The following TEPSIN variants were observed in gnomAD, a reference collection of about 807,000 sequenced individuals.
TEPSIN encodes the protein AP-4 complex accessory subunit tepsin.
In TEPSIN, 50 loss-of-function variants were observed where a neutral mutation model predicts 48.5. The ratio of observed to expected loss-of-function variants is 1.03; its 90% CI spans 0.82 to 1.31. The LOEUF is 1.31. Among genes scored for constraint, TEPSIN ranks in the 50% most tolerant of loss-of-function variants. The pLI, the probability that TEPSIN is intolerant of heterozygous loss-of-function variation, is 0.00. For missense variants in TEPSIN, 838 were observed against 815.9 expected (o/e 1.03, Z -0.33); for synonymous variants, 392 against 358.8 (o/e 1.09, Z -1.05).
At chr17:81,235,901 G>A (rs908998814) in intron 4 of TEPSIN, among the ~76,000 whole-genome samples, 5 of 152,216 alleles carry the variant, frequency 3.3e-5, no homozygotes, top group African/African-American at 1.2e-4. Flanking sequence ...GCCATAAAGT[G>A]GGACAACACT....
At position 81,236,988 on chromosome 17, in the gene TEPSIN, T is replaced by C; in HGVS notation, c.205A>G (p.Lys69Glu). 6.3e-7 allele frequency: 1 copy of C among 1,581,736 alleles called. No individual in the cohort carries two copies. Among genetic ancestry groups the C allele is most frequent in the Non-Finnish European group, 8.6e-7 (1 of 1,163,492 alleles). ...ACCACCCAGGGGCTCACCTTGAGCT[T>C]CCCGTGGCCGGAGCTGCTGTGCAGG... is the stretch of plus-strand genomic sequence containing the variant. The part of the protein sequence containing the change: ...SRLHSSSGHG[K>E]LKVLKILLYL... The change falls in exon 3 of 13, where the codon AAG becomes GAG. Residue 69 changes from lysine (K) to glutamate (E), a missense_variant. By Grantham distance (56) the Lys-to-Glu change is moderately conservative (BLOSUM62 1). Coordinates refer to ENST00000637944, the MANE Select transcript of TEPSIN (RefSeq NM_001363764.2).
Position 81,233,998 on chromosome 17 carries a change from C to T in TEPSIN, c.358G>A (p.Val120Ile), listed in dbSNP as rs2062675881. Residue 120 changes from valine to isoleucine, a missense_variant, in exon 5 of 13, where the codon GTT becomes ATT. Physicochemically the swap from Val to Ile is conservative, Grantham distance 29 (BLOSUM62 3). Coordinates refer to ENST00000637944, the MANE Select transcript of TEPSIN (RefSeq NM_001363764.2). This position sits in a 1 kb window ranked among gnomAD's most constrained non-coding sequence, Gnocchi z 5.8. ...GGGCTCACCTGCGCGGCCGCGCGAA[C>T]CTTCTGGTACAAGCTGTTCCCGTGC... ...PLHGNSLYQK[V>I]RAAAQDLGST... is the part of the protein sequence containing the mutation. 2 of 1,598,912 alleles carry T rather than the reference C, an allele frequency of 1.3e-6. No homozygotes were observed. The highest frequency in any genetic ancestry group is 8.5e-7 in the Non-Finnish European group (1 of 1,175,860).
chr17:81,233,607 AGAGCT>A lies in TEPSIN; in HGVS notation c.454+26_454+30del. On this transcript the variant is annotated intron_variant, in intron 6 of 12. Coordinates refer to ENST00000637944, the MANE Select transcript of TEPSIN (RefSeq NM_001363764.2). This position sits in a 1 kb window ranked among gnomAD's most constrained non-coding sequence, Gnocchi z 5.8. ...CTCAAGGAGGCAGAAACCAGGTGCC[AGAGCT>A]GGACACGGTCCCCTCAGTCACCTAC... is the stretch of plus-strand genomic sequence containing the variant. The A allele has an allele frequency of 6.3e-7, 1 of 1,580,504 alleles. No homozygotes were observed. The highest frequency in any genetic ancestry group is 1.2e-5 in the South Asian group (1 of 86,308).
In TEPSIN at chr17:81,230,795, A is replaced by C; in HGVS notation, c.1099-117T>G. ...CCTCATCAATGACTGGAGTGCCAGGAGGCCCCAGAGACAGCTCCACCACAG... is the reference window on the plus strand; with the variant it reads ...CCTCATCAATGACTGGAGTGCCAGGCGGCCCCAGAGACAGCTCCACCACAG... On this transcript the variant is annotated intron_variant, in intron 11 of 12. Transcript: ENST00000637944. This position sits in a 1 kb window ranked among gnomAD's most constrained non-coding sequence, Gnocchi z 4.2. 1 of 1,330,598 alleles carries C rather than the reference A, an allele frequency of 7.5e-7. No individual in the cohort carries two copies. Among genetic ancestry groups the C allele is most frequent in the Non-Finnish European group, 9.9e-7 (1 of 1,006,720 alleles). 82.4% of individuals were successfully genotyped at this position (1,330,598 alleles called of 1,614,324 possible).
In TEPSIN at chr17:81,234,043, C is replaced by A. The variant is rs1555621875; in HGVS notation, c.313G>T (p.Ala105Ser). 12 of 1,591,246 alleles carry A rather than the reference C, an allele frequency of 7.5e-6. No homozygotes were observed. The South Asian group carries it at 1.3e-4, about 17-fold the overall frequency. The change falls in exon 5 of 13, where the codon GCA becomes TCA. Residue 105 changes from alanine (A) to serine (S), a missense_variant. Ala to Ser is a moderately conservative substitution (Grantham distance 99, BLOSUM62 1). Transcript: ENST00000637944. The surrounding 1 kb of genome is among the most constrained non-coding windows in gnomAD (Gnocchi z 5.4). ...SAFIQEAAAF[A>S]GPPDPLHGNS... is the part of the protein sequence containing the mutation. The stretch of plus-strand genomic sequence containing the variant: ...CCGTGCAGAGGATCTGGGGGCCCTG[C>A]AAAAGCTGCAGAACAGAAAAGGCAA...
chr17:81,231,102 T>C (rs995378281), intron 11 of TEPSIN: 2 of 533,490 alleles, frequency 3.7e-6, no homozygotes, highest in Admixed American at 3.7e-5. Flanking sequence ...GGCACATACA[T>C]ACACAACCAC....
rs1213202479 is a variant in TEPSIN, at chr17:81,236,693, G to A, written c.307+15C>T. ...AAGCCCTGGCTCTTCCTGAGCGCGT[G>A]CGCGGCCCCTGTACCTGCAGCTTCC... On this transcript the variant is annotated intron_variant, in intron 4 of 12. Transcript: ENST00000637944. The A allele has an allele frequency of 3.2e-6, 5 of 1,552,862 alleles. No homozygotes were observed. Among genetic ancestry groups the A allele is most frequent in the East Asian group, 4.9e-5 (2 of 41,114 alleles).
At chr17:81,235,708 G>A (rs1284915211) in intron 4 of TEPSIN, among the ~76,000 whole-genome samples, 2 of 152,166 alleles carry the variant, frequency 1.3e-5, no homozygotes, top group Admixed American at 6.5e-5. Flanking sequence ...CCGCTGAATG[G>A]TGAGGATAAA....
chr17:81,238,787 T>A, intron 1 of TEPSIN, 199 bp downstream of exon 1: 1 of 1,318,636 alleles, frequency 7.6e-7, no homozygotes, highest in Non-Finnish European at 9.6e-7. Context: ...CGGGTCCGGC[T>A]TGGAAGGCCC....
chr17:81,229,038 C>T lies in TEPSIN; in HGVS notation c.1672G>A (p.Gly558Arg). The change falls in exon 13 of 13, where the codon GGA becomes AGA. Residue 558 changes from glycine to arginine, a missense_variant. By Grantham distance (125) the Gly-to-Arg change is moderately radical. Transcript: ENST00000637944. ...PRLVGAGAAA[G>R]ESCPDAPRAP... ...CGGGGAGCATCAGGACAGGACTCTC[C>T]CGCAGCAGCCCCAGCCCCCACCAGG... 6.2e-7 allele frequency: 1 copy of T among 1,613,326 alleles called. No homozygotes were observed. Among genetic ancestry groups the T allele is most frequent in the Non-Finnish European group, 8.5e-7 (1 of 1,179,928 alleles).
rs572927060 is a variant in TEPSIN at position 81,232,437 on chromosome 17, C to G, written c.608G>C (p.Ser203Thr). 2.0e-6 allele frequency: 3 copies of G among 1,535,750 alleles called. No individual in the cohort carries two copies. The highest frequency in any genetic ancestry group is 2.4e-5 in the South Asian group (2 of 84,034). ...CGGCAGGAGCCTCCGGGTACTGGGA[C>G]TCTCGGGCCCGGGGCGCATGGCGCT... ...VASAMRPGPESPSTRRLLPRG... is the reference protein window; with the variant it reads ...VASAMRPGPETPSTRRLLPRG... The change falls in exon 8 of 13, where the codon AGT becomes ACT. Residue 203 changes from serine to threonine, a missense_variant. By Grantham distance (58) the Ser-to-Thr change is moderately conservative (BLOSUM62 1). Transcript: ENST00000637944.
At chr17:81,229,842 T>G in intron 12 of TEPSIN, 1 of 302,486 alleles carries the variant, frequency 3.3e-6, no homozygotes, top group South Asian at 4.3e-5. Context: ...GCAGGGTTCT[T>G]CCAGCATGCC....
Position 81,231,612 on chromosome 17 carries a change from G to C in TEPSIN, c.985C>G (p.Leu329Val). ...RTVTRGPRAF[L>V]SREEAQHFIK... ...AAGTGCTGTGCCTCCTCGCGGCTCA[G>C]GAAGGCGCGTGGTCCCCGAGTCACA... The change falls in exon 10 of 13, where the codon CTG becomes GTG. Residue 329 changes from leucine to valine, a missense_variant. By Grantham distance (32) the Leu-to-Val change is conservative (BLOSUM62 1). Transcript: ENST00000637944. 6.2e-7 allele frequency: 1 copy of C among 1,613,156 alleles called. No individual in the cohort carries two copies. Among genetic ancestry groups the C allele is most frequent in the Non-Finnish European group, 8.5e-7 (1 of 1,179,754 alleles).
chr17:81,238,096 A>T, intron 1 of TEPSIN: 1 of 986,726 alleles, frequency 1.0e-6, no homozygotes, highest in Non-Finnish European at 1.2e-6. Context: ...AAGAGTATTT[A>T]ACAGGACAAG....
At chr17:81,236,272 T>C (rs1251713851) in intron 4 of TEPSIN, among the ~76,000 whole-genome samples, 1 of 152,144 alleles carries the variant, frequency 6.6e-6, no homozygotes, top group African/African-American at 2.4e-5. Flanking sequence ...TGTCTTGGGC[T>C]CCGAGGAGCA....
At chr17:81,236,899 C>A in intron 3 of TEPSIN, 81 bp downstream of exon 3, 1 of 1,532,576 alleles carries the variant, frequency 6.5e-7, no homozygotes, top group Non-Finnish European at 8.8e-7. Flanking sequence ...TGCCTGCCAC[C>A]CTGGGCCGCT....
chr17:81,238,534 C>G (rs2062767280), intron 1 of TEPSIN: 1 of 839,240 alleles, frequency 1.2e-6, no homozygotes, highest in Admixed American at 6.0e-5. Flanking sequence ...CCTTCTCTGT[C>G]CCTTCGAGAC....
intron 12 of TEPSIN, 37 bp from the exon 13 acceptor site, chr17:81,229,513 C>T: frequency 1.3e-6 from 2 of 1,545,822 alleles, no homozygotes; most frequent in Non-Finnish European, 1.7e-6. Context: ...GGTTCCTATG[C>T]AACCCTGGGA....
chr17:81,235,255 A>G (rs1487792281), intron 4 of TEPSIN, among the ~76,000 whole-genome samples: 1 of 152,224 alleles, frequency 6.6e-6, no homozygotes, highest in Non-Finnish European at 1.5e-5. Context: ...CTCAGGTTTT[A>G]ACTAAAGAAA....
Sources: gnomAD v4.1 joint callset for allele counts (sites outside exome capture counted in the v4.1 genomes callset) on GRCh38, gnomAD v4.1.1 for gene constraint, Gnocchi (gnomAD v3.1) non-coding constraint, MANE v1.5 for transcripts, NCBI Gene and HGNC (gene_info 2026-07-23, HGNC 2026-07-21) for gene names.